The following TBC1D21 variants were observed in gnomAD, a reference collection of about 807,000 sequenced individuals.
TBC1D21 encodes TBC1 domain family member 21, also known as male germ cell Rab GTPase-activating protein.
Under a neutral mutation model 46.0 loss-of-function variants are expected in TBC1D21, and 38 were observed. The ratio of observed to expected loss-of-function variants is 0.83; its 90% CI spans 0.64 to 1.08. The LOEUF is 1.08. TBC1D21 is among the 50% of genes least tolerant of loss of function. The pLI, the probability that TBC1D21 is intolerant of heterozygous loss-of-function variation, is 0.00. For synonymous variants in TBC1D21, 151 were observed against 157.2 expected, an observed-to-expected ratio of 0.96 and a Z score of 0.29; for missense variants, 415 against 417.9, an observed-to-expected ratio of 0.99 and a Z score of 0.06.
intron 10 of TBC1D21, 92 bp downstream of exon 10, chr15:73,888,605 C>A: frequency 3.6e-6 from 3 of 828,318 alleles, no homozygotes; most frequent in Non-Finnish European, 5.8e-6. Flanking sequence ...TCCTCCTCCT[C>A]TTCTTCCTCC....
At chr15:73,877,564 A>C in intron 1 of TBC1D21, among the ~76,000 whole-genome samples, 2 of 145,726 alleles carry the variant, frequency 1.4e-5, no homozygotes, top group Non-Finnish European at 1.5e-5. Flanking sequence ...ATCCCTACTC[A>C]TTTTATGAGG....
intron 2 of TBC1D21, 43 bp from the exon 3 acceptor site, chr15:73,881,601 C>A: frequency 6.2e-7 from 1 of 1,601,696 alleles, no homozygotes; most frequent in Non-Finnish European, 8.6e-7. Context: ...TTTTGGTAGG[C>A]ATCGATAGAG....
the TBC1D21 span, among the ~76,000 whole-genome samples, chr15:73,906,608 G>T: frequency 6.6e-6 from 1 of 152,150 alleles, no homozygotes; most frequent in Non-Finnish European, 1.5e-5. Flanking sequence ...CTCTTCCTCT[G>T]GGAAGCAGCT....
intron 10 of TBC1D21, 117 bp from the exon 11 acceptor site, chr15:73,888,952 G>A (rs1168303221): frequency 7.3e-6 from 9 of 1,227,756 alleles, no homozygotes; most frequent in Admixed American, 3.9e-5. Flanking sequence ...CATTCCCTGT[G>A]TCCATCCCAG....
chr15:73,881,666 C>T lies in TBC1D21; in HGVS notation c.191C>T (p.Thr64Ile), dbSNP rs1229733496. 1.2e-6 allele frequency: 2 copies of T among 1,613,694 alleles called. No individual in the cohort carries two copies. Among genetic ancestry groups the T allele is most frequent in the Non-Finnish European group, 1.7e-6 (2 of 1,179,934 alleles). ...CAGGGTCTGCACCCCTTCGTGAGGACTGAAGCCTGGAAATTCCTCACGGGC... is the reference window on the plus strand; with the variant it reads ...CAGGGTCTGCACCCCTTCGTGAGGATTGAAGCCTGGAAATTCCTCACGGGC... ...LERGLHPFVRTEAWKFLTGYF... is the reference protein window; with the variant it reads ...LERGLHPFVRIEAWKFLTGYF... The change falls in exon 3 of 11, where the codon ACT (threonine) becomes ATT (isoleucine). Residue 64 changes from threonine to isoleucine, a missense_variant. Coordinates refer to ENST00000300504, the MANE Select transcript of TBC1D21 (RefSeq NM_153356.3).
rs763547562 is a variant in TBC1D21 at position 73,884,907 on chromosome 15, C to T, written c.478+16C>T. The T allele has an allele frequency of 9.3e-6, 15 of 1,611,786 alleles. No individual in the cohort carries two copies. The African/African-American group carries it at 1.6e-4, about 17-fold the overall frequency. ...ACGCAGGCAGGTGAGCCTCAGCCTC[C>T]CCTTGTCAATGCCCTCCCAGGACCT... On this transcript the variant is annotated intron_variant, in intron 5 of 10. Coordinates refer to ENST00000300504, the MANE Select transcript of TBC1D21 (RefSeq NM_153356.3).
chr15:73,906,874 T>C, the TBC1D21 span, among the ~76,000 whole-genome samples: 1 of 152,190 alleles, frequency 6.6e-6, no homozygotes, highest in Admixed American at 6.5e-5. Context: ...ACCGATGTCA[T>C]GTGTGTAGAG....
the TBC1D21 span, among the ~76,000 whole-genome samples, chr15:73,901,880 T>A: frequency 1.3e-5 from 2 of 152,232 alleles, 1 homozygote; most frequent in South Asian, 4.1e-4. Context: ...GGCACCACCA[T>A]GGCTCACTGC....
At chr15:73,888,549 TTCC>T (rs750420173) in intron 10 of TBC1D21, 36 bp downstream of exon 10, 132 of 1,318,990 alleles carry the variant, frequency 1.0e-4, no homozygotes, top group African/African-American at 2.2e-4. Flanking sequence ...CCTCCTCCTC[TTCC>T]TCCTCCTCCT....
intron 6 of TBC1D21, 38 bp from the exon 7 acceptor site, chr15:73,886,040 C>T: frequency 6.3e-7 from 1 of 1,593,398 alleles, no homozygotes; most frequent in Admixed American, 1.7e-5. Context: ...GCCTTGAAGC[C>T]AAGGGGGACT....
downstream of TBC1D21, among the ~76,000 whole-genome samples, chr15:73,890,403 A>G (rs776317412): frequency 6.6e-6 from 1 of 152,230 alleles, no homozygotes; most frequent in Non-Finnish European, 1.5e-5. Flanking sequence ...TAAAGAGCTC[A>G]TGTTTGCTGG....
At position 73,886,070 on chromosome 15, in the gene TBC1D21, G is replaced by A. The variant is rs371117471; in HGVS notation, c.580-8G>A. The A allele has an allele frequency of 1.5e-5, 24 of 1,613,712 alleles. No individual in the cohort carries two copies. The highest frequency in any genetic ancestry group is 3.3e-5 in the South Asian group (3 of 91,070). ...GGGACTCAGTCTGTCTCCCACCATC[G>A]TGTGCAGGAACACAGCTGTGTCATC... On this transcript the variant is annotated splice_region_variant and splice_polypyrimidine_tract_variant and intron_variant, in intron 6 of 10. Coordinates refer to ENST00000300504, the MANE Select transcript of TBC1D21 (RefSeq NM_153356.3).
chr15:73,881,976 C>A (rs1382161890), intron 3 of TBC1D21, among the ~76,000 whole-genome samples: 1 of 152,132 alleles, frequency 6.6e-6, no homozygotes, highest in African/African-American at 2.4e-5. Flanking sequence ...TGGGCTTGGT[C>A]CCAGCCACTC....
At chr15:73,882,583 A>G (rs2068174273) in intron 3 of TBC1D21, among the ~76,000 whole-genome samples, 1 of 152,150 alleles carries the variant, frequency 6.6e-6, no homozygotes, top group South Asian at 2.1e-4. Flanking sequence ...TTCAGTAGAT[A>G]ACACACCATC....
chr15:73,883,851 C>T (rs1453016020), intron 3 of TBC1D21, among the ~76,000 whole-genome samples: 1 of 152,168 alleles, frequency 6.6e-6, no homozygotes. Flanking sequence ...AGTCGTGTCC[C>T]CAAGACTTGC....
intron 3 of TBC1D21, among the ~76,000 whole-genome samples, chr15:73,882,882 G>T (rs1595822172): frequency 6.6e-6 from 1 of 152,236 alleles, no homozygotes; most frequent in African/African-American, 2.4e-5. Flanking sequence ...CTGGGCACTT[G>T]GTCCCACAGT....
At chr15:73,906,626 G>C in the TBC1D21 span, among the ~76,000 whole-genome samples, 1 of 152,168 alleles carries the variant, frequency 6.6e-6, no homozygotes, top group Non-Finnish European at 1.5e-5. Context: ...GCTTGTTTGG[G>C]AAATCCAAGC....
rs965695839 is a variant in TBC1D21, at chr15:73,884,024, G to A, written c.273-127G>A. 6.6e-6 allele frequency: 5 copies of A among 762,500 alleles called. No individual in the cohort carries two copies. In the African/African-American group the frequency reaches 8.5e-5, roughly 13 times the overall value. 47.2% of individuals were successfully genotyped at this position (762,500 alleles called of 1,614,324 possible). ...GTTGAGATGAGGGACAGCATCACAG[G>A]TAGGGTGCATGGCTGGGTGAGGGTG... On this transcript the variant is annotated intron_variant, in intron 3 of 10. Coordinates refer to ENST00000300504, the MANE Select transcript of TBC1D21 (RefSeq NM_153356.3).
At chr15:73,904,625 A>G in the TBC1D21 span, among the ~76,000 whole-genome samples, 1 of 151,806 alleles carries the variant, frequency 6.6e-6, no homozygotes, top group African/African-American at 2.4e-5. Flanking sequence ...AGCTTGGGGG[A>G]AGGGGTGTTG....
Sources: allele counts gnomAD v4.1 joint callset (sites outside exome capture counted in the v4.1 genomes callset), GRCh38; gene constraint gnomAD v4.1.1; transcripts MANE v1.5; gene names NCBI Gene and HGNC (gene_info 2026-07-23, HGNC 2026-07-21).